The following LRBA variants were observed in gnomAD, a reference collection of about 807,000 sequenced individuals.
LRBA encodes the protein LPS responsive beige-like anchor protein, also known as lipopolysaccharide-responsive and beige-like anchor protein.
A neutral mutation model predicts 330.0 loss-of-function variants in LRBA; 176 were observed. The observed-to-expected ratio is 0.53, with a 90% confidence interval of 0.47 to 0.60. LRBA has a LOEUF of 0.60. Among genes scored for constraint, LRBA ranks in the 20% least tolerant of loss-of-function variants. LRBA has a pLI of 0.00. For missense variants in LRBA, 3,259 were observed against 3,444.8 expected, an observed-to-expected ratio of 0.95 and a Z score of 1.35; for synonymous variants, 1,230 against 1,193.0, an observed-to-expected ratio of 1.03 and a Z score of -0.64.
chr4:150,368,964 G>C (rs1179681838), intron 47 of LRBA, among the ~76,000 whole-genome samples: 1 of 152,106 alleles, frequency 6.6e-6, no homozygotes, highest in East Asian at 1.9e-4. Context: ...TATGGACTGT[G>C]GGAATAAGAG....
At chr4:150,490,044 G>A (rs1581470555) in intron 41 of LRBA, among the ~76,000 whole-genome samples, 2 of 151,538 alleles carry the variant, frequency 1.3e-5, no homozygotes, top group Admixed American at 1.3e-4. Context: ...CTGAAATAAA[G>A]TGTGAAACAT....
chr4:150,776,888 C>T (rs1447142852), intron 34 of LRBA, among the ~76,000 whole-genome samples: 1 of 152,058 alleles, frequency 6.6e-6, no homozygotes, highest in Non-Finnish European at 1.5e-5. Flanking sequence ...AATTGTAATA[C>T]ACACATATTT....
At chr4:150,274,087 A>C (rs1192756142) in intron 56 of LRBA, among the ~76,000 whole-genome samples, 4 of 152,210 alleles carry the variant, frequency 2.6e-5, no homozygotes, top group Admixed American at 2.6e-4. Context: ...AATGCAAAAG[A>C]ATGGAAATCA....
At chr4:150,805,836 G>C (rs75513916) in intron 33 of LRBA, among the ~76,000 whole-genome samples, 2,097 of 152,140 alleles carry the variant, frequency 0.014, 50 homozygotes, top group East Asian at 0.05. Flanking sequence ...AGGAATCTAT[G>C]AATGACGTAA....
chr4:150,737,883 C>T (rs1454853762), intron 35 of LRBA, among the ~76,000 whole-genome samples: 1 of 152,034 alleles, frequency 6.6e-6, no homozygotes, highest in Admixed American at 6.6e-5. Context: ...CATTAGCTTT[C>T]CCAAATGTGC....
chr4:150,489,161 A>AATATATAATATATCAGAAT (rs1352370244), intron 41 of LRBA, among the ~76,000 whole-genome samples: 2 of 122,372 alleles, frequency 1.6e-5, no homozygotes, highest in Non-Finnish European at 3.2e-5. Flanking sequence ...CAGAATATAT[A>AATATATAATATATCAGAAT]ATATATTATA....
At chr4:150,460,420 T>C (rs1312329065) in intron 44 of LRBA, among the ~76,000 whole-genome samples, 1 of 151,860 alleles carries the variant, frequency 6.6e-6, no homozygotes, top group Non-Finnish European at 1.5e-5. Context: ...AAATTCACTA[T>C]GGTTCTGTCA....
chr4:150,342,733 C>T (rs895243463), intron 48 of LRBA, among the ~76,000 whole-genome samples: 3 of 152,076 alleles, frequency 2.0e-5, no homozygotes, highest in African/African-American at 2.4e-5. Context: ...AGAAGAATGG[C>T]GCTTTTCCCA....
chr4:150,768,063 CAAAAAA>C (rs777328686), intron 34 of LRBA, among the ~76,000 whole-genome samples: 34 of 58,054 alleles, frequency 5.9e-4, no homozygotes, highest in African/African-American at 2.0e-3. Flanking sequence ...GACTCTGTCT[CAAAAAA>C]AAAAAAAAAA....
intron 40 of LRBA, among the ~76,000 whole-genome samples, chr4:150,529,698 G>A (rs1017452248): frequency 1.3e-5 from 2 of 150,982 alleles, no homozygotes; most frequent in Non-Finnish European, 2.9e-5. Flanking sequence ...CTCCAGCCTG[G>A]GCTACAGAGC....
At chr4:150,350,187 AT>A in intron 47 of LRBA, 28 bp from the exon 48 acceptor site, 1 of 1,467,206 alleles carries the variant, frequency 6.8e-7, no homozygotes, top group Non-Finnish European at 9.1e-7. Flanking sequence ...TTGTATTACT[AT>A]GCTGAATTCC....
At chr4:150,899,871 C>T (rs972240552) in intron 14 of LRBA, among the ~76,000 whole-genome samples, 178 bp downstream of exon 14, 1 of 152,064 alleles carries the variant, frequency 6.6e-6, no homozygotes, top group Non-Finnish European at 1.5e-5. Flanking sequence ...TTATTAAACT[C>T]TAGAAACCAC....
intron 28 of LRBA, among the ~76,000 whole-genome samples, chr4:150,842,001 A>G (rs1749158832): frequency 6.6e-6 from 1 of 152,180 alleles, no homozygotes; most frequent in Admixed American, 6.5e-5. Flanking sequence ...CCCTAAAGAG[A>G]CTAAACTCTA....
At chr4:150,731,689 C>T (rs1421384348) in intron 36 of LRBA, among the ~76,000 whole-genome samples, 1 of 151,982 alleles carries the variant, frequency 6.6e-6, no homozygotes, top group Non-Finnish European at 1.5e-5. Flanking sequence ...TTACCAGAGG[C>T]TAGGAAGGGT....
At chr4:150,266,976 C>T (rs763509202) in intron 56 of LRBA, among the ~76,000 whole-genome samples, 4 of 152,144 alleles carry the variant, frequency 2.6e-5, no homozygotes, top group Non-Finnish European at 1.5e-5. Context: ...GGACACTACA[C>T]TGAGAAAAGG....
At chr4:150,901,835 A>C (rs72963609) in intron 13 of LRBA, among the ~76,000 whole-genome samples, 8,884 of 152,252 alleles carry the variant, frequency 0.058, 792 homozygotes, top group African/African-American at 0.2. Context: ...TGATGTAGCT[A>C]CTGCTGTTCA....
At chr4:150,642,367 T>C (rs1041137657) in intron 37 of LRBA, among the ~76,000 whole-genome samples, 1 of 151,958 alleles carries the variant, frequency 6.6e-6, no homozygotes, top group African/African-American at 2.4e-5. Context: ...TTAAAATTAG[T>C]TGTTACTCTT....
At chr4:150,896,675 C>A (rs1730120454) in intron 15 of LRBA, among the ~76,000 whole-genome samples, 1 of 151,976 alleles carries the variant, frequency 6.6e-6, no homozygotes, top group Admixed American at 6.6e-5. Flanking sequence ...GTTTTCAACA[C>A]CTTATATAAT....
chr4:150,677,973 C>A (rs1404690715), intron 37 of LRBA, among the ~76,000 whole-genome samples: 1 of 152,026 alleles, frequency 6.6e-6, no homozygotes, highest in Admixed American at 6.6e-5. Flanking sequence ...GGCATGGCGG[C>A]TCACACCCAT....
Sources: allele counts gnomAD v4.1 joint callset (sites outside exome capture counted in the v4.1 genomes callset), GRCh38; gene constraint gnomAD v4.1.1; transcripts MANE v1.5; gene names NCBI Gene and HGNC (gene_info 2026-07-23, HGNC 2026-07-21).